Variants in CDH7 observed in about 807,000 individuals in gnomAD.
CDH7 encodes the protein cadherin-7.
CDH7 carries 25 observed loss-of-function variants against 71.8 expected under a neutral mutation model. The observed-to-expected ratio is 0.35, with a 90% CI of 0.25 to 0.49. The LOEUF (loss-of-function observed/expected upper bound fraction) is 0.49. Ranked by LOEUF, CDH7 falls within the 20% of genes least tolerant of loss-of-function variation. CDH7 has a pLI of 0.99. For synonymous variants in CDH7, 381 were observed against 363.8 expected, an observed-to-expected ratio of 1.05 and a Z score of -0.54; for missense variants, 862 against 974.6, an observed-to-expected ratio of 0.88 and a Z score of 1.54.
At position 65,766,885 on chromosome 18, in the gene CDH7, T is replaced by TAAAAAA. The variant is rs61611288; in HGVS notation, c.210+3865_210+3870dup. Among the ~76,000 whole-genome samples the TAAAAAA allele has an allele frequency of 3.9e-4, 35 of 88,622 alleles. 3 individuals are homozygous for TAAAAAA. Among genetic ancestry groups the TAAAAAA allele is most frequent in the Non-Finnish European group, 7.6e-4 (28 of 36,672 alleles). 58.1% of individuals were successfully genotyped at this position (88,622 alleles called of 152,430 possible). ...CTTAACGTCCTGTAACTGTCTGACG[T>TAAAAAA]AAAAAAAAAAAAAAAAAAAAAAAAA... On this transcript the variant is annotated intron_variant, in intron 2 of 11. Transcript: ENST00000397968.
intron 1 of CDH7, among the ~76,000 whole-genome samples, chr18:65,757,119 G>A (rs1479071656): frequency 4.6e-5 from 7 of 151,758 alleles, no homozygotes; most frequent in East Asian, 3.9e-4. Flanking sequence ...TTAAGAGCAC[G>A]ATAGTCACTT....
chr18:65,795,103 A>G (rs1360161460), intron 2 of CDH7, among the ~76,000 whole-genome samples: 1 of 152,192 alleles, frequency 6.6e-6, no homozygotes, highest in Non-Finnish European at 1.5e-5. Context: ...ATTAGAATGG[A>G]TCGAGTGTGC....
rs1185672144 is a variant in CDH7 at position 65,884,890 on chromosome 18, C to T, written c.*3996C>T. The T allele has an allele frequency of 1.3e-5, 2 of 152,248 alleles. No homozygotes were observed. Among genetic ancestry groups the T allele is most frequent in the African/African-American group, 2.4e-5 (1 of 41,548 alleles). The allele number at this position is 152,248 out of a possible 1,614,324, so 9.4% of individuals were successfully genotyped here. Reference sequence around the variant, plus strand: ...ATTTAAAGTTTTATTTACAGTTGACCTAATCCAATTGAAGTTGATGAAAGC... The same window carrying T: ...ATTTAAAGTTTTATTTACAGTTGACTTAATCCAATTGAAGTTGATGAAAGC... On this transcript the variant is annotated 3_prime_UTR_variant, in exon 12 of 12. Transcript: ENST00000397968.
intron 2 of CDH7, among the ~76,000 whole-genome samples, chr18:65,768,604 G>A (rs924950008): frequency 6.6e-6 from 1 of 152,104 alleles, no homozygotes; most frequent in African/African-American, 2.4e-5. Context: ...TACAAAGTGC[G>A]CTGTAATTGT....
At chr18:65,863,316 G>A (rs972299420) in intron 11 of CDH7, 10 of 205,320 alleles carry the variant, frequency 4.9e-5, no homozygotes, top group African/African-American at 1.6e-4. Context: ...GGGATTACAG[G>A]AGTGAGCCAC....
rs1914260933 is a variant in CDH7 at position 65,882,554 on chromosome 18, G to C, written c.*1660G>C. The C allele has an allele frequency of 6.6e-6, 1 of 152,026 alleles. No individual in the cohort carries two copies. Among genetic ancestry groups the C allele is most frequent in the Non-Finnish European group, 1.5e-5 (1 of 67,948 alleles). The allele number at this position is 152,026 out of a possible 1,614,324, so 9.4% of individuals were successfully genotyped here. A position where few individuals can be genotyped will look rare whatever the true frequency, so the allele number is the denominator to read the frequency against. ...CTATGTAGGATTCTGTAAACTTGCA[G>C]CCCAACTTTAGAAATGAAGTATGTA... is the stretch of plus-strand genomic sequence containing the variant. On this transcript the variant is annotated 3_prime_UTR_variant, in exon 12 of 12. Transcript: ENST00000397968.
intron 1 of CDH7, among the ~76,000 whole-genome samples, chr18:65,755,972 C>A (rs1322410861): frequency 6.6e-6 from 1 of 151,744 alleles, no homozygotes; most frequent in Non-Finnish European, 1.5e-5. Context: ...CTATACAAAA[C>A]AAACAAAAAA....
At position 65,862,820 on chromosome 18, in the gene CDH7, C is replaced by T. The variant is rs1454531414; in HGVS notation, c.1767C>T (p.Gly589=). Residue 589 remains glycine (G), a synonymous_variant, in exon 11 of 12, where the codon GGC becomes GGT. Transcript: ENST00000397968. ...TIRVCDCDAD[G]VAQTCNAEAY... The stretch of plus-strand genomic sequence containing the variant: ...GCGTGTGTGACTGTGATGCTGACGG[C>T]GTAGCCCAGACCTGCAATGCAGAGG... 4.3e-6 allele frequency: 7 copies of T among 1,614,020 alleles called. No individual in the cohort carries two copies. Among genetic ancestry groups the T allele is most frequent in the Admixed American group, 3.3e-5 (2 of 59,998 alleles).
intron 10 of CDH7, 129 bp downstream of exon 10, chr18:65,859,954 C>T (rs1162546774): frequency 1.6e-5 from 9 of 574,672 alleles, no homozygotes; most frequent in Non-Finnish European, 2.8e-5. Flanking sequence ...GCAATGAGCA[C>T]CTCAAGTAAT....
At chr18:65,849,140 GAGA>G (rs1370124403) in intron 7 of CDH7, among the ~76,000 whole-genome samples, 1 of 152,022 alleles carries the variant, frequency 6.6e-6, no homozygotes, top group East Asian at 1.9e-4. Context: ...TTATATCTCT[GAGA>G]AGACTATAAG....
At position 65,762,682 on chromosome 18, in the gene CDH7, A is replaced by G. The variant is rs1916227092; in HGVS notation, c.-161A>G. The G allele has an allele frequency of 1.7e-6, 1 of 603,574 alleles. No homozygotes were observed. The highest frequency in any genetic ancestry group is 1.9e-5 in the African/African-American group (1 of 53,818). 37.4% of individuals were successfully genotyped at this position (603,574 alleles called of 1,614,324 possible). Reference sequence around the variant, plus strand: ...CACCATTCTTTGGCGAAGGCTATTCAGCAGTGGTGACCTCTTCCAATCCAA... The same window carrying G: ...CACCATTCTTTGGCGAAGGCTATTCGGCAGTGGTGACCTCTTCCAATCCAA... On this transcript the variant is annotated 5_prime_UTR_variant, in exon 2 of 12. Coordinates refer to ENST00000397968, the MANE Select transcript of CDH7 (RefSeq NM_004361.5).
chr18:65,835,287 T>C (rs1303507443), intron 6 of CDH7, among the ~76,000 whole-genome samples: 1 of 152,076 alleles, frequency 6.6e-6, no homozygotes, highest in Non-Finnish European at 1.5e-5. Context: ...GAAAAAAGCA[T>C]CCCTGAGAAG....
chr18:65,758,354 A>T (rs781076014), intron 1 of CDH7, among the ~76,000 whole-genome samples: 1 of 152,278 alleles, frequency 6.6e-6, no homozygotes, highest in East Asian at 1.9e-4. Flanking sequence ...GAAGGCAAAC[A>T]TTTGTGAAAG....
In CDH7 at chr18:65,811,966, C is replaced by CTTTTTTTTTTTTTTTTTTT. The variant is rs57594274; in HGVS notation, c.505+1969_505+1987dup. ...ATCACAGTACCTTTTCTTTTCTTTTCTTTTTTTTTTTTTTTTTTTGCGAGA... is the reference window on the plus strand; with the variant it reads ...ATCACAGTACCTTTTCTTTTCTTTTCTTTTTTTTTTTTTTTTTTTTTTTTTTTTTTTTTTTTTTGCGAGA... On this transcript the variant is annotated intron_variant, in intron 3 of 11. Coordinates refer to ENST00000397968, the MANE Select transcript of CDH7 (RefSeq NM_004361.5). 1.4e-3 allele frequency among the ~76,000 whole-genome samples: 131 copies of CTTTTTTTTTTTTTTTTTTT among 95,844 alleles called. 2 individuals carry two copies. Among genetic ancestry groups the CTTTTTTTTTTTTTTTTTTT allele is most frequent in the Non-Finnish European group, 1.7e-3 (91 of 52,882 alleles). 62.9% of individuals were successfully genotyped at this position (95,844 alleles called of 152,430 possible).
rs2144085393 is a variant in CDH7, at chr18:65,887,129, A to C, written c.*6235A>C. On this transcript the variant is annotated 3_prime_UTR_variant, in exon 12 of 12. Coordinates refer to ENST00000397968, the MANE Select transcript of CDH7 (RefSeq NM_004361.5). The stretch of plus-strand genomic sequence containing the variant: ...AATGATGTTAATGGTTTATATAAGC[A>C]GGAAAAACTTATATGATTCACTACC... The C allele has an allele frequency of 6.6e-6, 1 of 152,282 alleles. No homozygotes were observed. Among genetic ancestry groups the C allele is most frequent in the African/African-American group, 2.4e-5 (1 of 41,580 alleles). 9.4% of individuals were successfully genotyped at this position (152,282 alleles called of 1,614,324 possible).
At position 65,790,103 on chromosome 18, in the gene CDH7, G is replaced by A. The variant is rs906020889; in HGVS notation, c.211-19601G>A. Among the ~76,000 whole-genome samples, 9 of 151,528 alleles carry A rather than the reference G, an allele frequency of 5.9e-5. 1 individual carries two copies. The South Asian group carries it at 6.3e-4, about 11-fold the overall frequency. On this transcript the variant is annotated intron_variant, in intron 2 of 11. Transcript: ENST00000397968. ...AAATTAGCCGGGCATGGTAGTGGGC[G>A]CCTGTAGTCCCAGGTGCTGAGGCAG... is the stretch of plus-strand genomic sequence containing the variant.
At chr18:65,825,734 A>G (rs1912106345) in intron 6 of CDH7, among the ~76,000 whole-genome samples, 1 of 151,994 alleles carries the variant, frequency 6.6e-6, no homozygotes, top group East Asian at 1.9e-4. Flanking sequence ...ATAGGAAAAC[A>G]TATGTTTGAT....
At chr18:65,871,521 T>A (rs1271504664) in intron 11 of CDH7, among the ~76,000 whole-genome samples, 1 of 151,816 alleles carries the variant, frequency 6.6e-6, no homozygotes, top group African/African-American at 2.4e-5. Flanking sequence ...TTGGTTACAG[T>A]GAGTAGGAAG....
At chr18:65,820,465 A>G (rs908951040) in intron 4 of CDH7, among the ~76,000 whole-genome samples, 3 of 152,170 alleles carry the variant, frequency 2.0e-5, no homozygotes, top group African/African-American at 4.8e-5. Context: ...AACACAAATG[A>G]AATCCAATGT....
Sources: allele counts gnomAD v4.1 joint callset (sites outside exome capture counted in the v4.1 genomes callset), GRCh38; gene constraint gnomAD v4.1.1; transcripts MANE v1.5; gene names NCBI Gene and HGNC (gene_info 2026-07-23, HGNC 2026-07-21).